The following BLM variants were observed in gnomAD, a reference collection of about 807,000 sequenced individuals.
The protein encoded by BLM is BLM RecQ like helicase, also known as recQ-like DNA helicase BLM.
Under a neutral mutation model 135.3 loss-of-function variants are expected in BLM, and 95 were observed. The observed-to-expected ratio is 0.70, with a 90% CI of 0.59 to 0.83. The LOEUF (loss-of-function observed/expected upper bound fraction) is 0.83. BLM is among the 40% of genes least tolerant of loss of function. The pLI, the probability that BLM is intolerant of heterozygous loss-of-function variation, is 0.00. For missense variants in BLM, 1,518 were observed against 1,663.9 expected, an observed-to-expected ratio of 0.91 and a Z score of 1.53; for synonymous variants, 520 against 589.2, an observed-to-expected ratio of 0.88 and a Z score of 1.70.
intron 19 of BLM, among the ~76,000 whole-genome samples, chr15:90,808,592 C>T (rs962030752): frequency 1.3e-5 from 2 of 152,224 alleles, no homozygotes; most frequent in Non-Finnish European, 2.9e-5. Context: ...GACTGATATG[C>T]GACCTCTATG....
intron 19 of BLM, among the ~76,000 whole-genome samples, chr15:90,807,171 C>T (rs1168195600): frequency 5.3e-5 from 8 of 152,148 alleles, no homozygotes; most frequent in African/African-American, 1.2e-4. Flanking sequence ...AGGATTTAAT[C>T]GAAATCTCTG....
At chr15:90,778,205 A>C (rs7165790) in intron 12 of BLM, among the ~76,000 whole-genome samples, 1 of 151,982 alleles carries the variant, frequency 6.6e-6, no homozygotes, top group East Asian at 1.9e-4. Context: ...AATTGGATTC[A>C]TGATCTACAA....
At chr15:90,731,828 T>G (rs1015857725) in intron 1 of BLM, among the ~76,000 whole-genome samples, 3 of 151,972 alleles carry the variant, frequency 2.0e-5, no homozygotes, top group Non-Finnish European at 4.4e-5. Context: ...AAAATCTATT[T>G]ATTTATTTAT....
rs7182824 is a variant in BLM, at chr15:90,788,476, T to G, written c.2824-2173T>G. Among the ~76,000 whole-genome samples the G allele has an allele frequency of 5.1e-3, 609 of 120,572 alleles. 1 individual carries two copies. Among genetic ancestry groups the G allele is most frequent in the African/African-American group, 0.014 (447 of 32,266 alleles). The allele number at this position is 120,572 out of a possible 152,430, so 79.1% of individuals were successfully genotyped here. On this transcript the variant is annotated intron_variant, in intron 14 of 21. Transcript: ENST00000355112. ...AACCCAAATGCCAGTGTTTTGTTTT[T>G]TTTTTTTTTTTTTTTTTTGGTTTTT...
At chr15:90,718,986 G>GTTTGTT (rs1314718601) in intron 1 of BLM, among the ~76,000 whole-genome samples, 8 of 152,166 alleles carry the variant, frequency 5.3e-5, no homozygotes, top group South Asian at 2.1e-4. Flanking sequence ...GAATGAGTGA[G>GTTTGTT]TTTGTTTTTG....
chr15:90,788,482 T>G (rs1415722643), intron 14 of BLM, among the ~76,000 whole-genome samples: 10 of 150,260 alleles, frequency 6.7e-5, no homozygotes, highest in African/African-American at 1.7e-4. Context: ...TTTTTTTTTT[T>G]TTTTTTTTTT....
Position 90,815,765 on chromosome 15 carries a change from G to A in BLM, c.*486G>A. ...GCAGGTGGACCAAGGATGTGAACAG[G>A]CTAGTCTCAGAAGAAGAAATACACA... is the stretch of plus-strand genomic sequence containing the variant. On this transcript the variant is annotated 3_prime_UTR_variant, in exon 22 of 22. Coordinates refer to ENST00000355112, the MANE Select transcript of BLM (RefSeq NM_000057.4). The surrounding 1 kb of genome is among the most constrained non-coding windows in gnomAD (Gnocchi z 4.6). 5.9e-6 allele frequency: 1 copy of A among 168,574 alleles called. No homozygotes were observed. The highest frequency in any genetic ancestry group is 1.4e-4 in the South Asian group (1 of 6,910). The allele number at this position is 168,574 out of a possible 1,614,324, so 10.4% of individuals were successfully genotyped here.
chr15:90,727,811 T>C (rs547288356), intron 1 of BLM, among the ~76,000 whole-genome samples: 30 of 152,018 alleles, frequency 2.0e-4, no homozygotes, highest in African/African-American at 7.2e-4. Flanking sequence ...ATATAATAAA[T>C]GTTAGCTGTG....
chr15:90,755,028 T>C (rs1467398791), intron 5 of BLM, 90 bp downstream of exon 5: 1 of 1,495,118 alleles, frequency 6.7e-7, no homozygotes. Flanking sequence ...AACCTGTGGC[T>C]GTATGTTATA....
In BLM at chr15:90,779,461, T is replaced by C. The variant is rs74037393; in HGVS notation, c.2556-3361T>C. Among the ~76,000 whole-genome samples the C allele has an allele frequency of 2.5e-3, 380 of 152,338 alleles. 2 individuals carry two copies. The highest frequency in any genetic ancestry group is 8.5e-3 in the African/African-American group (353 of 41,578). On this transcript the variant is annotated intron_variant, in intron 12 of 21. Transcript: ENST00000355112. ...GAGAGACTCATGCACCGTTTCCAACTTAAGCCCAAATCAACTCAAATGCAT... is the reference window on the plus strand; with the variant it reads ...GAGAGACTCATGCACCGTTTCCAACCTAAGCCCAAATCAACTCAAATGCAT...
At chr15:90,738,913 C>T (rs1024043805) in intron 1 of BLM, among the ~76,000 whole-genome samples, 4 of 152,316 alleles carry the variant, frequency 2.6e-5, no homozygotes, top group Admixed American at 6.5e-5. Flanking sequence ...CTGTGGAGAA[C>T]AGTGTGGTGG....
intron 4 of BLM, 58 bp downstream of exon 4, chr15:90,752,004 A>G (rs1838296057): frequency 7.0e-7 from 1 of 1,435,320 alleles, no homozygotes; most frequent in Non-Finnish European, 9.7e-7. Flanking sequence ...TAAATTGTTT[A>G]ATTTAGTTTA....
chr15:90,733,088 G>A (rs1458802348), intron 1 of BLM, among the ~76,000 whole-genome samples: 1 of 151,636 alleles, frequency 6.6e-6, no homozygotes, highest in East Asian at 1.9e-4. Flanking sequence ...GTGAGACTAT[G>A]TCTCAAAAAA....
At chr15:90,788,866 G>A (rs113628089) in intron 14 of BLM, among the ~76,000 whole-genome samples, 9,177 of 151,522 alleles carry the variant, frequency 0.061, 320 homozygotes, top group African/African-American at 0.09. Context: ...CCAGCTTCTC[G>A]GGAGTCTGAG....
intron 19 of BLM, chr15:90,808,899 C>G (rs1050783343): frequency 1.7e-6 from 1 of 574,840 alleles, no homozygotes; most frequent in African/African-American, 1.9e-5. Flanking sequence ...TGCCCTGGCT[C>G]TTGCCCTTGC....
At chr15:90,766,345 T>C (rs534170283) in intron 9 of BLM, among the ~76,000 whole-genome samples, 4 of 152,346 alleles carry the variant, frequency 2.6e-5, no homozygotes, top group African/African-American at 9.6e-5. Flanking sequence ...CAAATTCATA[T>C]TTATCTTATT....
intron 8 of BLM, 98 bp downstream of exon 8, chr15:90,763,255 A>T: frequency 7.8e-7 from 1 of 1,287,680 alleles, no homozygotes; most frequent in South Asian, 1.2e-5. Flanking sequence ...CAGTATTTCT[A>T]TCATTTAGGG....
intron 2 of BLM, among the ~76,000 whole-genome samples, chr15:90,748,404 G>A (rs1895567349): frequency 6.6e-6 from 1 of 152,120 alleles, no homozygotes. Flanking sequence ...CACCACGCCC[G>A]GCCAATTATT....
At chr15:90,737,459 G>A (rs1000598627) in intron 1 of BLM, among the ~76,000 whole-genome samples, 3 of 152,068 alleles carry the variant, frequency 2.0e-5, no homozygotes, top group African/African-American at 7.2e-5. Context: ...AATAAATGAA[G>A]GCTGTTTGAG....
Sources: gnomAD v4.1 joint callset for allele counts (sites outside exome capture counted in the v4.1 genomes callset) on GRCh38, gnomAD v4.1.1 for gene constraint, Gnocchi (gnomAD v3.1) non-coding constraint, MANE v1.5 for transcripts, NCBI Gene and HGNC (gene_info 2026-07-23, HGNC 2026-07-21) for gene names.